Variants in EZR observed in about 807,000 individuals in gnomAD.
EZR encodes ezrin.
In EZR, 40 loss-of-function variants were observed where a neutral mutation model predicts 74.8. The observed-to-expected ratio is 0.53, with a 90% CI of 0.42 to 0.70. EZR has a LOEUF of 0.70. EZR is among the 30% of genes least tolerant of loss of function. The pLI is 0.00. For synonymous variants in EZR, 341 were observed against 283.3 expected (o/e 1.20, Z -2.05); for missense variants, 678 against 755.8 (o/e 0.90, Z 1.21).
chr6:158,779,609 G>A (rs1791373685), intron 7 of EZR, among the ~76,000 whole-genome samples: 1 of 152,038 alleles, frequency 6.6e-6, no homozygotes, highest in Admixed American at 6.5e-5. Context: ...TGTCACCCAG[G>A]CTAGAGTGCA....
At chr6:158,780,667 G>C (rs1791411815) in intron 7 of EZR, among the ~76,000 whole-genome samples, 1 of 152,176 alleles carries the variant, frequency 6.6e-6, no homozygotes, top group African/African-American at 2.4e-5. Flanking sequence ...GATGAAATCT[G>C]CCCAAAGAGG....
intron 7 of EZR, among the ~76,000 whole-genome samples, chr6:158,782,754 C>T (rs1009074819): frequency 1.3e-5 from 2 of 152,230 alleles, no homozygotes; most frequent in Non-Finnish European, 2.9e-5. Context: ...CTTCTCTTTC[C>T]AGAGGTAGTT....
chr6:158,770,864 T>A lies in EZR; in HGVS notation c.990A>T (p.Arg330Ser), dbSNP rs1423896251. ...RQQLETEKKR[R>S]ETVEREKEQM... The stretch of plus-strand genomic sequence containing the variant: ...GCTCTTTCTCTCTCTCCACGGTTTC[T>A]CTCCTTTTCTTCTCTGTTTCCAGCT... Residue 330 changes from arginine to serine, a missense_variant, in exon 10 of 14, where the codon AGA becomes AGT. By Grantham distance (110) the Arg-to-Ser change is moderately radical. This residue lies in a region of EZR where 119 missense variants were observed against 182.3 expected (regional missense o/e 0.65). Transcript: ENST00000367075. The A allele has an allele frequency of 6.2e-7, 1 of 1,614,212 alleles. No homozygotes were observed. The highest frequency in any genetic ancestry group is 8.5e-7 in the Non-Finnish European group (1 of 1,180,030).
rs1439687660 is a variant in EZR, at chr6:158,767,030, G to A, written c.1645C>T (p.His549Tyr). ...SQARDENKRTHNDIIHNENMR... is the reference protein window; with the variant it reads ...SQARDENKRTYNDIIHNENMR... The stretch of plus-strand genomic sequence containing the variant: ...TTCTCGTTGTGGATGATGTCATTGT[G>A]GGTCCTCTTATTCTCATCTCGGGCC... Residue 549 changes from histidine (H) to tyrosine (Y), a missense_variant, in exon 14 of 14, where the codon CAC becomes TAC. Physicochemically the swap from His to Tyr is moderately conservative, Grantham distance 83. Around this residue, in one of 3 missense-constraint regions of EZR, gnomAD observed 342 missense variants for 341.2 expected, o/e 1.00. Coordinates refer to ENST00000367075, the MANE Select transcript of EZR (RefSeq NM_001111077.2). 7.4e-6 allele frequency: 12 copies of A among 1,614,040 alleles called. No individual in the cohort carries two copies. In the Admixed American group the frequency reaches 1.7e-4, roughly 22 times the overall value.
At chr6:158,768,303 C>T (rs1790977319) in intron 12 of EZR, among the ~76,000 whole-genome samples, 1 of 152,080 alleles carries the variant, frequency 6.6e-6, no homozygotes, top group Non-Finnish European at 1.5e-5. Flanking sequence ...TTGTAAATTT[C>T]CTGAGGCCTC....
chr6:158,781,691 T>G (rs2128569114), intron 7 of EZR, among the ~76,000 whole-genome samples: 1 of 152,322 alleles, frequency 6.6e-6, no homozygotes, highest in East Asian at 1.9e-4. Context: ...ATGGCTGTCT[T>G]AATAGCCACG....
At chr6:158,814,411 C>G (rs1777510778) in intron 2 of EZR, among the ~76,000 whole-genome samples, 2 of 151,882 alleles carry the variant, frequency 1.3e-5, no homozygotes, top group Non-Finnish European at 2.9e-5. Flanking sequence ...CTTTCCCAGT[C>G]TGACAGCACT....
chr6:158,814,590 C>G (rs954776183), intron 2 of EZR, among the ~76,000 whole-genome samples: 1 of 148,370 alleles, frequency 6.7e-6, no homozygotes, highest in African/African-American at 2.5e-5. Flanking sequence ...TGTCGCCAGG[C>G]TGGAGTGCAG....
chr6:158,800,788 TGA>T (rs1270622855), intron 2 of EZR, among the ~76,000 whole-genome samples: 2 of 151,758 alleles, frequency 1.3e-5, no homozygotes, highest in Non-Finnish European at 2.9e-5. Context: ...GGTGACAGAG[TGA>T]GACTGTCTCA....
chr6:158,809,955 AAAC>A (rs1487148754), intron 2 of EZR, among the ~76,000 whole-genome samples: 7 of 152,216 alleles, frequency 4.6e-5, no homozygotes, highest in Non-Finnish European at 1.0e-4. Context: ...CCTAAAGTAA[AAAC>A]AATTATTTAC....
At chr6:158,771,725 T>G (rs1278122531) in intron 8 of EZR, among the ~76,000 whole-genome samples, 2 of 152,202 alleles carry the variant, frequency 1.3e-5, no homozygotes, top group African/African-American at 4.8e-5. Context: ...GAAATGCCAC[T>G]GCACGTTAAC....
intron 2 of EZR, among the ~76,000 whole-genome samples, chr6:158,814,655 T>G (rs1448817936): frequency 6.6e-6 from 1 of 151,418 alleles, no homozygotes; most frequent in East Asian, 2.0e-4. Flanking sequence ...GCGATTCTCC[T>G]GCCTCAGCCT....
intron 1 of EZR, among the ~76,000 whole-genome samples, chr6:158,818,430 T>C (rs1437986395): frequency 7.3e-6 from 1 of 137,614 alleles, no homozygotes; most frequent in African/African-American, 2.8e-5. Context: ...GCCCCCCAGT[T>C]GGGGGTGGGT....
intron 4 of EZR, 89 bp from the exon 5 acceptor site, chr6:158,785,672 G>A: frequency 2.7e-6 from 4 of 1,495,050 alleles, no homozygotes; most frequent in South Asian, 2.5e-5. Flanking sequence ...GACTCAATGG[G>A]GCCCTCAAGC....
At chr6:158,771,213 G>GCC in intron 9 of EZR, 31 bp downstream of exon 9, 1 of 1,579,202 alleles carries the variant, frequency 6.3e-7, no homozygotes, top group African/African-American at 1.4e-5. Context: ...GGAGAACACA[G>GCC]GCCCCCCCCA....
chr6:158,813,414 G>C (rs1465906657), intron 2 of EZR, among the ~76,000 whole-genome samples: 9 of 152,198 alleles, frequency 5.9e-5, no homozygotes, highest in Admixed American at 5.9e-4. Flanking sequence ...CCACTGACAG[G>C]GACTGTGTCT....
intron 2 of EZR, among the ~76,000 whole-genome samples, chr6:158,810,609 CAG>C (rs768608151): frequency 5.3e-5 from 8 of 152,210 alleles, no homozygotes; most frequent in African/African-American, 1.4e-4. Flanking sequence ...CTAGAACACA[CAG>C]AGAGAGGATG....
intron 2 of EZR, among the ~76,000 whole-genome samples, chr6:158,816,077 G>C (rs796499562): frequency 8.5e-5 from 13 of 152,298 alleles, no homozygotes; most frequent in African/African-American, 3.1e-4. Context: ...TGTCACAAAA[G>C]GACAAATGCT....
Position 158,770,732 on chromosome 6 carries a change from C to G in EZR, c.1090+32G>C, listed in dbSNP as rs750597189. 54 of 1,613,856 alleles carry G rather than the reference C, an allele frequency of 3.3e-5. 2 individuals carry two copies. The South Asian group carries it at 4.3e-4, about 13-fold the overall frequency. The stretch of plus-strand genomic sequence containing the variant: ...TGCTACTCTGTGGAAATGCATGACC[C>G]AGTGTAGAGTGCCAGCCCCAGGGCG... On this transcript the variant is annotated intron_variant, in intron 10 of 13. Coordinates refer to ENST00000367075, the MANE Select transcript of EZR (RefSeq NM_001111077.2).
Sources: gnomAD v4.1 joint callset for allele counts (sites outside exome capture counted in the v4.1 genomes callset) on GRCh38, gnomAD v4.1.1 for gene constraint, gnomAD v4.1.1 regional missense constraint, MANE v1.5 for transcripts, NCBI Gene and HGNC (gene_info 2026-07-23, HGNC 2026-07-21) for gene names.